SOX6: variants seen among roughly 807,000 people sequenced by gnomAD.
The protein encoded by SOX6 is SRY-box transcription factor 6, also known as transcription factor SOX-6.
SOX6 carries 11 observed loss-of-function variants against 97.8 expected under a neutral mutation model. The ratio of observed to expected loss-of-function variants is 0.11; its 90% CI spans 0.07 to 0.19. The LOEUF (loss-of-function observed/expected upper bound fraction) is 0.19, where lower values mean the gene tolerates loss of function less well. Ranked by LOEUF, SOX6 falls within the 10% of genes least tolerant of loss-of-function variation. The pLI, the probability that SOX6 is intolerant of heterozygous loss-of-function variation, is 1.00. For missense variants in SOX6, 810 were observed against 1,039.5 expected, an observed-to-expected ratio of 0.78 and a Z score of 3.04; for synonymous variants, 360 against 371.4, an observed-to-expected ratio of 0.97 and a Z score of 0.35.
At chr11:16,172,043 GC>G (rs1851052884) in intron 6 of SOX6, among the ~76,000 whole-genome samples, 1 of 151,704 alleles carries the variant, frequency 6.6e-6, no homozygotes, top group African/African-American at 2.4e-5. Flanking sequence ...TCCCTTCACA[GC>G]TTAAGTGTTT....
chr11:16,147,563 A>G (rs990178756), intron 6 of SOX6, among the ~76,000 whole-genome samples: 2 of 152,172 alleles, frequency 1.3e-5, no homozygotes, highest in African/African-American at 4.8e-5. Context: ...TTAAAGGGAA[A>G]AGGATGGTGG....
At chr11:16,723,243 CAT>C (rs940818910) in intron 2 of SOX6, among the ~76,000 whole-genome samples, 101 of 152,156 alleles carry the variant, frequency 6.6e-4, no homozygotes, top group African/African-American at 2.0e-3. Flanking sequence ...CCAAATACCA[CAT>C]GTTTTCCCTT....
intron 1 of SOX6, among the ~76,000 whole-genome samples, chr11:16,442,580 C>G (rs1859524349): frequency 6.6e-6 from 1 of 152,014 alleles, no homozygotes; most frequent in Non-Finnish European, 1.5e-5. Flanking sequence ...ATGTGCATAT[C>G]TACTGCCTTT....
chr11:16,095,685 A>G (rs557572129), intron 9 of SOX6, among the ~76,000 whole-genome samples: 1 of 151,976 alleles, frequency 6.6e-6, no homozygotes, highest in African/African-American at 2.4e-5. Context: ...ACTATACAAC[A>G]CTATGCATAA....
At chr11:16,526,541 A>T (rs1013858545) in intron 4 of SOX6, among the ~76,000 whole-genome samples, 9 of 152,006 alleles carry the variant, frequency 5.9e-5, no homozygotes, top group Non-Finnish European at 1.5e-5. Context: ...CTAAATGATG[A>T]GTTAATTGGT....
At chr11:16,099,630 A>T (rs1053986535) in intron 7 of SOX6, among the ~76,000 whole-genome samples, 33 of 151,780 alleles carry the variant, frequency 2.2e-4, no homozygotes, top group East Asian at 7.8e-4. Flanking sequence ...AACATATTTT[A>T]AAAAAATCAA....
At chr11:16,253,984 A>G (rs1853601031) in intron 3 of SOX6, among the ~76,000 whole-genome samples, 1 of 152,096 alleles carries the variant, frequency 6.6e-6, no homozygotes, top group Non-Finnish European at 1.5e-5. Flanking sequence ...GGGTTGAGGA[A>G]GTGGGTGGAA....
intron 3 of SOX6, among the ~76,000 whole-genome samples, chr11:16,677,391 G>A (rs1847891829): frequency 1.3e-5 from 2 of 152,010 alleles, no homozygotes; most frequent in South Asian, 4.1e-4. Context: ...TATTTCCCTG[G>A]TTGCTGTAAG....
intron 12 of SOX6, among the ~76,000 whole-genome samples, chr11:16,020,729 C>T (rs994042986): frequency 1.3e-5 from 2 of 152,112 alleles, no homozygotes; most frequent in African/African-American, 4.8e-5. Flanking sequence ...GTTTTGCCTA[C>T]GTAATTAGCC....
rs543186416 is a variant in SOX6 at position 16,117,783 on chromosome 11, C to T, written c.778-5860G>A. On this transcript the variant is annotated intron_variant, in intron 6 of 15. Coordinates refer to ENST00000683767, the MANE Select transcript of SOX6 (RefSeq NM_001367873.1). ...ATGAAGAATGTAATACTGCCTTTTC[C>T]CTACCTTCCCATCATCCCGTTTTCC... 5.9e-5 allele frequency among the ~76,000 whole-genome samples: 9 copies of T among 152,158 alleles called. No homozygotes were observed. The South Asian group carries it at 1.9e-3, about 32-fold the overall frequency.
intron 3 of SOX6, among the ~76,000 whole-genome samples, chr11:16,709,328 G>A (rs1177258396): frequency 6.6e-6 from 1 of 152,042 alleles, no homozygotes; most frequent in East Asian, 1.9e-4. Context: ...GACCAGCCTG[G>A]CCAACACAGC....
chr11:16,406,398 T>G (rs934559015), intron 1 of SOX6, among the ~76,000 whole-genome samples: 2 of 152,146 alleles, frequency 1.3e-5, no homozygotes, highest in African/African-American at 2.4e-5. Context: ...GTAGGTCAGC[T>G]GGACATTTCT....
At position 16,650,537 on chromosome 11, in the gene SOX6, C is replaced by T. The variant is rs1250167051; in HGVS notation, n.430-38277G>A. ...TGCTCTTGAATAATCTTTGGGCCAA[C>T]AATGAAATCAAAATACCAATTTAAA... On this transcript the variant is annotated intron_variant and non_coding_transcript_variant, in intron 3 of 5. Transcript: ENST00000524520. Among the ~76,000 whole-genome samples, 8 of 119,204 alleles carry T rather than the reference C, an allele frequency of 6.7e-5. No homozygotes were observed. In the Admixed American group the frequency reaches 7.7e-4, roughly 11 times the overall value. The allele number at this position is 119,204 out of a possible 152,430, so 78.2% of individuals were successfully genotyped here. A position where few individuals can be genotyped will look rare whatever the true frequency, so the allele number is the denominator to read the frequency against.
chr11:16,524,758 T>TA (rs770507048), intron 4 of SOX6, among the ~76,000 whole-genome samples: 2 of 152,164 alleles, frequency 1.3e-5, no homozygotes, highest in Admixed American at 6.5e-5. Flanking sequence ...AAAATCTCCT[T>TA]AGCTGATAAG....
intron 1 of SOX6, among the ~76,000 whole-genome samples, chr11:16,474,090 C>T (rs1860192629): frequency 1.3e-5 from 2 of 152,136 alleles, no homozygotes; most frequent in Admixed American, 6.5e-5. Context: ...CTCATCTTCT[C>T]AAGTTGTATC....
At chr11:15,995,082 T>G (rs1052076581) in intron 13 of SOX6, among the ~76,000 whole-genome samples, 1 of 152,194 alleles carries the variant, frequency 6.6e-6, no homozygotes, top group Non-Finnish European at 1.5e-5. Flanking sequence ...AACTTACAGG[T>G]GGCTGCTGAC....
intron 1 of SOX6, among the ~76,000 whole-genome samples, chr11:16,350,773 A>G (rs999931515): frequency 6.6e-6 from 1 of 152,180 alleles, no homozygotes; most frequent in Non-Finnish European, 1.5e-5. Flanking sequence ...ATTAAAAAAC[A>G]AGTTAATTCT....
intron 9 of SOX6, among the ~76,000 whole-genome samples, chr11:16,082,457 T>A (rs968505077): frequency 2.0e-5 from 3 of 152,188 alleles, no homozygotes; most frequent in African/African-American, 7.2e-5. Context: ...AAATACAGTA[T>A]CAAGGCCCAT....
intron 1 of SOX6, among the ~76,000 whole-genome samples, chr11:16,466,700 G>C (rs1288988256): frequency 6.6e-6 from 1 of 150,848 alleles, no homozygotes; most frequent in Admixed American, 6.6e-5. Flanking sequence ...GGAGGCCGAG[G>C]CAGGCGGATC....
Sources: allele counts gnomAD v4.1 joint callset (sites outside exome capture counted in the v4.1 genomes callset), GRCh38; gene constraint gnomAD v4.1.1; transcripts MANE v1.5; gene names NCBI Gene and HGNC (gene_info 2026-07-23, HGNC 2026-07-21).